Variants in MALRD1 observed in about 807,000 individuals in gnomAD.
The protein encoded by MALRD1 is MAM and LDL receptor class A domain containing 1.
Under a neutral mutation model 242.1 loss-of-function variants are expected in MALRD1, and 247 were observed. That is an observed-to-expected ratio of 1.02 (90% confidence interval 0.92 to 1.13). MALRD1 has a LOEUF of 1.13. Ranked by LOEUF, MALRD1 falls within the 50% of genes most tolerant of loss-of-function variation. The pLI, the probability that MALRD1 is intolerant of heterozygous loss-of-function variation, is 0.00. For missense variants in MALRD1, 2,989 were observed against 2,533.1 expected, an observed-to-expected ratio of 1.18 and a Z score of -3.86; for synonymous variants, 995 against 866.6, an observed-to-expected ratio of 1.15 and a Z score of -2.60.
intron 7 of MALRD1, among the ~76,000 whole-genome samples, chr10:19,125,360 T>TCTTTCTTTC (rs1837243351): frequency 6.0e-5 from 7 of 116,932 alleles, no homozygotes; most frequent in African/African-American, 1.4e-4. Flanking sequence ...TTTCTTTCTT[T>TCTTTCTTTC]CTTTCTTTCT....
chr10:19,477,072 C>T (rs565426432), intron 29 of MALRD1, among the ~76,000 whole-genome samples: 2 of 152,158 alleles, frequency 1.3e-5, no homozygotes, highest in African/African-American at 4.8e-5. Context: ...AACATACATT[C>T]AGAGATGGGA....
At chr10:19,148,702 T>C (rs1459543285) in intron 11 of MALRD1, among the ~76,000 whole-genome samples, 1 of 149,172 alleles carries the variant, frequency 6.7e-6, no homozygotes, top group Non-Finnish European at 1.5e-5. Context: ...CTGATAAAAC[T>C]AGGGGCAGCT....
At chr10:19,504,844 G>T (rs1449599998) in intron 31 of MALRD1, among the ~76,000 whole-genome samples, 1 of 150,388 alleles carries the variant, frequency 6.6e-6, no homozygotes, top group Non-Finnish European at 1.5e-5. Flanking sequence ...CACCGCGCCC[G>T]GCTAAGTTTT....
chr10:19,632,319 C>T (rs1035786684), intron 36 of MALRD1, among the ~76,000 whole-genome samples: 7 of 152,090 alleles, frequency 4.6e-5, no homozygotes, highest in African/African-American at 1.4e-4. Context: ...TTCCACCTTC[C>T]AATCTCCAGT....
rs557144884 is a variant in MALRD1, at chr10:19,098,054, C to T, written c.598-5925C>T. 1.7e-3 allele frequency among the ~76,000 whole-genome samples: 256 copies of T among 152,268 alleles called. 1 individual carries two copies. Among genetic ancestry groups the T allele is most frequent in the Admixed American group, 3.4e-3 (52 of 15,294 alleles). The stretch of plus-strand genomic sequence containing the variant: ...CTTGCTTTCACTTTATGGACATTCT[C>T]TCAATTCTTTCTTGCACAAGATCCA... On this transcript the variant is annotated intron_variant, in intron 4 of 39. Coordinates refer to ENST00000454679, the MANE Select transcript of MALRD1 (RefSeq NM_001142308.3).
intron 13 of MALRD1, among the ~76,000 whole-genome samples, chr10:19,169,213 TTA>T (rs1221392564): frequency 6.6e-6 from 1 of 152,060 alleles, no homozygotes; most frequent in East Asian, 1.9e-4. Context: ...ACTCTCGGTG[TTA>T]TGTTACCATT....
chr10:19,222,630 G>A (rs1039419388), intron 18 of MALRD1, among the ~76,000 whole-genome samples: 2 of 152,094 alleles, frequency 1.3e-5, no homozygotes, highest in Non-Finnish European at 2.9e-5. Context: ...AAACAAAAAA[G>A]CAGGAGTTTA....
At chr10:19,148,787 A>T (rs1421082139) in intron 11 of MALRD1, among the ~76,000 whole-genome samples, 6 of 85,010 alleles carry the variant, frequency 7.1e-5, no homozygotes, top group African/African-American at 1.8e-4. Flanking sequence ...AAAAAAAAAA[A>T]AATATATATA....
intron 33 of MALRD1, among the ~76,000 whole-genome samples, chr10:19,576,154 T>C (rs1836813935): frequency 6.6e-6 from 1 of 152,228 alleles, no homozygotes; most frequent in Admixed American, 6.5e-5. Flanking sequence ...TAAGACTGGC[T>C]AATACCACTG....
chr10:19,525,926 T>C (rs1461912393), intron 31 of MALRD1, among the ~76,000 whole-genome samples: 2 of 152,124 alleles, frequency 1.3e-5, no homozygotes, highest in Non-Finnish European at 2.9e-5. Flanking sequence ...ATCAAACAAA[T>C]AAACGAAAAT....
intron 26 of MALRD1, among the ~76,000 whole-genome samples, chr10:19,369,429 C>G (rs1845269374): frequency 1.4e-5 from 2 of 147,702 alleles, no homozygotes; most frequent in African/African-American, 4.9e-5. Flanking sequence ...TATGGAGTAG[C>G]TGCTGAAGTA....
intron 12 of MALRD1, among the ~76,000 whole-genome samples, chr10:19,161,996 C>G (rs1468519885): frequency 6.6e-6 from 1 of 152,050 alleles, no homozygotes; most frequent in Non-Finnish European, 1.5e-5. Flanking sequence ...CCACTGCACT[C>G]CAGCCTGGGC....
At chr10:19,299,277 T>C (rs964924150) in intron 21 of MALRD1, among the ~76,000 whole-genome samples, 3 of 151,962 alleles carry the variant, frequency 2.0e-5, no homozygotes, top group Non-Finnish European at 4.4e-5. Context: ...GCCTTGGGAA[T>C]TCTGCTTCTC....
chr10:19,115,836 A>G (rs1836852880), intron 5 of MALRD1, among the ~76,000 whole-genome samples: 1 of 152,138 alleles, frequency 6.6e-6, no homozygotes, highest in Non-Finnish European at 1.5e-5. Context: ...AGATCACGGC[A>G]CTGCACTCCA....
intron 24 of MALRD1, among the ~76,000 whole-genome samples, chr10:19,339,535 A>C (rs897904484): frequency 6.6e-6 from 1 of 152,192 alleles, no homozygotes; most frequent in Non-Finnish European, 1.5e-5. Flanking sequence ...TCAGTCTCCT[A>C]TAACAGTTCC....
intron 14 of MALRD1, among the ~76,000 whole-genome samples, chr10:19,196,063 C>A (rs1457427159): frequency 6.6e-6 from 1 of 152,164 alleles, no homozygotes; most frequent in Non-Finnish European, 1.5e-5. Flanking sequence ...TCAGTCTTTT[C>A]TCCTGTACCC....
intron 29 of MALRD1, among the ~76,000 whole-genome samples, chr10:19,472,682 T>C (rs563024383): frequency 4.6e-5 from 7 of 152,000 alleles, no homozygotes; most frequent in African/African-American, 1.7e-4. Context: ...ATCAAAGTTG[T>C]TAGAATACAA....
chr10:19,606,801 C>T (rs1838655143), intron 34 of MALRD1, among the ~76,000 whole-genome samples: 1 of 152,110 alleles, frequency 6.6e-6, no homozygotes, highest in East Asian at 1.9e-4. Flanking sequence ...CCATATTTCA[C>T]ACTGGGTGGC....
chr10:19,540,405 T>C (rs1307816834), intron 32 of MALRD1, among the ~76,000 whole-genome samples: 10 of 152,118 alleles, frequency 6.6e-5, no homozygotes, highest in African/African-American at 1.9e-4. Context: ...AGTAAGGCTT[T>C]TGATACATCA....
Sources: allele counts gnomAD v4.1 joint callset (sites outside exome capture counted in the v4.1 genomes callset), GRCh38; gene constraint gnomAD v4.1.1; transcripts MANE v1.5; gene names NCBI Gene and HGNC (gene_info 2026-07-23, HGNC 2026-07-21).